The following KDM7A variants were observed in gnomAD, a reference collection of about 807,000 sequenced individuals.
KDM7A encodes lysine demethylase 7A.
A neutral mutation model predicts 114.8 loss-of-function variants in KDM7A; 28 were observed. The observed-to-expected ratio is 0.24, with a 90% CI of 0.18 to 0.33. The LOEUF is 0.33. Among genes scored for constraint, KDM7A ranks in the 10% least tolerant of loss-of-function variants. The pLI, the probability that KDM7A is intolerant of heterozygous loss-of-function variation, is 1.00. For missense variants in KDM7A, 942 were observed against 1,142.5 expected (o/e 0.82, Z 2.53); for synonymous variants, 423 against 397.8 (o/e 1.06, Z -0.75).
At position 140,159,945 on chromosome 7, in the gene KDM7A, TAAAA is replaced by T. The variant is rs71520071; in HGVS notation, c.194+16795_194+16798del. ...AAGTTCTTCAATCCTTGACTTCCAT[TAAAA>T]AAAAAAAAAAAAAAAACCTGTACCC... On this transcript the variant is annotated intron_variant, in intron 1 of 19. Coordinates refer to ENST00000397560, the MANE Select transcript of KDM7A (RefSeq NM_030647.2). Among the ~76,000 whole-genome samples the T allele has an allele frequency of 2.6e-3, 320 of 124,036 alleles. 5 individuals carry two copies. Among genetic ancestry groups the T allele is most frequent in the Non-Finnish European group, 2.3e-3 (137 of 59,626 alleles). 81.4% of individuals were successfully genotyped at this position (124,036 alleles called of 152,430 possible).
In KDM7A at chr7:140,091,171, C is replaced by T; in HGVS notation, c.2749G>A (p.Gly917Arg). 1 of 1,613,416 alleles carries T rather than the reference C, an allele frequency of 6.2e-7. No individual in the cohort carries two copies. The highest frequency in any genetic ancestry group is 8.5e-7 in the Non-Finnish European group (1 of 1,179,362). The stretch of plus-strand genomic sequence containing the variant: ...AGACGTTGTTTGGCTGTTGCCATTC[C>T]TTTTTTTGGACGTTTACCTATAAAA... Reference protein sequence around the residue: ...QATKGKRPKKGMATAKQRLGK... With the variant: ...QATKGKRPKKRMATAKQRLGK... Residue 917 changes from glycine to arginine, a missense_variant, in exon 20 of 20, where the codon GGA (glycine) becomes AGA (arginine). Physicochemically the swap from Gly to Arg is moderately radical, Grantham distance 125 (BLOSUM62 -2). Around this residue, in one of 4 missense-constraint regions of KDM7A, gnomAD observed 512 missense variants for 576.6 expected, o/e 0.89. Coordinates refer to ENST00000397560, the MANE Select transcript of KDM7A (RefSeq NM_030647.2).
intron 1 of KDM7A, among the ~76,000 whole-genome samples, chr7:140,172,013 T>G (rs1027203187): frequency 7.9e-5 from 12 of 152,198 alleles, no homozygotes; most frequent in African/African-American, 2.9e-4. Flanking sequence ...TACTGACTTA[T>G]CTACAGATTA....
intron 3 of KDM7A, 108 bp downstream of exon 3, chr7:140,133,431 T>C: frequency 1.6e-6 from 1 of 636,258 alleles, no homozygotes. Context: ...CTGAGGACAA[T>C]AATGGGTTGC....
chr7:140,124,382 A>AT (rs1238994174), intron 7 of KDM7A, among the ~76,000 whole-genome samples: 1 of 152,216 alleles, frequency 6.6e-6, no homozygotes, highest in Non-Finnish European at 1.5e-5. Context: ...TGGTATGTGA[A>AT]TTTTTTCTCA....
intron 11 of KDM7A, among the ~76,000 whole-genome samples, chr7:140,109,051 G>A (rs1252151172): frequency 6.6e-6 from 1 of 152,134 alleles, no homozygotes; most frequent in Non-Finnish European, 1.5e-5. Context: ...AGGCTCCGTG[G>A]GTGTGGGACC....
chr7:140,155,312 T>C (rs1434840320), intron 1 of KDM7A, among the ~76,000 whole-genome samples: 1 of 152,254 alleles, frequency 6.6e-6, no homozygotes, highest in Non-Finnish European at 1.5e-5. Flanking sequence ...TATGATTTTC[T>C]TCTAGATAAG....
intron 1 of KDM7A, among the ~76,000 whole-genome samples, chr7:140,170,135 T>C (rs941859617): frequency 6.6e-6 from 1 of 152,094 alleles, no homozygotes; most frequent in African/African-American, 2.4e-5. Context: ...ATATTTCCTA[T>C]CCCTAACCAA....
rs771650432 is a variant in KDM7A, at chr7:140,139,134, T to C, written c.251A>G (p.Asn84Ser). Reference sequence around the variant, plus strand: ...GGAGGAACCATGTAAAACTGCACAGTTGGGACAGTGATACAGGTCAATGTC... The same window carrying C: ...GGAGGAACCATGTAAAACTGCACAGCTGGGACAGTGATACAGGTCAATGTC... ...AVDIDLYHCP[N>S]CAVLHGSSLM... The change falls in exon 2 of 20, where the codon AAC (asparagine) becomes AGC (serine). Residue 84 changes from asparagine (N) to serine (S), a missense_variant. Coordinates refer to ENST00000397560, the MANE Select transcript of KDM7A (RefSeq NM_030647.2). The C allele has an allele frequency of 3.5e-5, 56 of 1,613,252 alleles. No homozygotes were observed. Among genetic ancestry groups the C allele is most frequent in the East Asian group, 1.1e-4 (5 of 44,830 alleles).
chr7:140,092,858 GA>G (rs1011356859), intron 18 of KDM7A, among the ~76,000 whole-genome samples: 1 of 152,148 alleles, frequency 6.6e-6, no homozygotes, highest in Admixed American at 6.5e-5. Flanking sequence ...GCTAGTAAGT[GA>G]TAAACTTTAT....
chr7:140,089,059 A>G lies in KDM7A; in HGVS notation c.*2035T>C, dbSNP rs1028339225. On this transcript the variant is annotated 3_prime_UTR_variant, in exon 20 of 20. Transcript: ENST00000397560. The stretch of plus-strand genomic sequence containing the variant: ...TAAAAACATGACTATTGTAACACCG[A>G]CTCAGGATCTACAGAAAAGCAAAAA... 1.3e-5 allele frequency: 2 copies of G among 152,132 alleles called. No individual in the cohort carries two copies. Among genetic ancestry groups the G allele is most frequent in the Admixed American group, 6.6e-5 (1 of 15,264 alleles). The allele number at this position is 152,132 out of a possible 1,614,324, so 9.4% of individuals were successfully genotyped here. A position where few individuals can be genotyped will look rare whatever the true frequency, so the allele number is the denominator to read the frequency against.
At chr7:140,127,070 G>A (rs1049410573) in intron 5 of KDM7A, among the ~76,000 whole-genome samples, 9 of 152,162 alleles carry the variant, frequency 5.9e-5, no homozygotes, top group African/African-American at 1.9e-4. Context: ...GAGAGATCTC[G>A]TGCCTCAGCC....
chr7:140,158,768 A>G (rs569190414), intron 1 of KDM7A, among the ~76,000 whole-genome samples: 75 of 152,210 alleles, frequency 4.9e-4, no homozygotes, highest in Non-Finnish European at 7.8e-4. Flanking sequence ...CAGAAGGAAA[A>G]TCAGCACAGG....
chr7:140,112,456 C>T (rs1233141062), intron 10 of KDM7A, among the ~76,000 whole-genome samples: 2 of 151,994 alleles, frequency 1.3e-5, no homozygotes, highest in East Asian at 1.9e-4. Context: ...CTAAAACATA[C>T]AAAAATTAAC....
chr7:140,139,488 T>C (rs1313136309), intron 1 of KDM7A, among the ~76,000 whole-genome samples: 2 of 152,202 alleles, frequency 1.3e-5, no homozygotes, highest in Non-Finnish European at 2.9e-5. Flanking sequence ...TCACTGTTAT[T>C]AAATGTCAAT....
chr7:140,164,355 T>C (rs1794551930), intron 1 of KDM7A, among the ~76,000 whole-genome samples: 1 of 152,220 alleles, frequency 6.6e-6, no homozygotes, highest in Non-Finnish European at 1.5e-5. Flanking sequence ...TAGATCATTC[T>C]TTCTTGTGGG....
At chr7:140,155,214 G>A (rs562528416) in intron 1 of KDM7A, among the ~76,000 whole-genome samples, 2 of 152,280 alleles carry the variant, frequency 1.3e-5, no homozygotes, top group African/African-American at 4.8e-5. Context: ...CTAGGCTGAA[G>A]TCTAATGACT....
At chr7:140,115,062 G>A (rs1011735903) in intron 9 of KDM7A, among the ~76,000 whole-genome samples, 11 of 150,724 alleles carry the variant, frequency 7.3e-5, no homozygotes, top group Middle Eastern at 3.3e-3. Context: ...TCGGCCAGCC[G>A]CCCCATCCGG....
rs372430399 is a variant in KDM7A at position 140,171,581 on chromosome 7, ATT to A, written c.194+5161_194+5162del. Among the ~76,000 whole-genome samples the A allele has an allele frequency of 8.0e-3, 1,147 of 144,098 alleles. 15 individuals carry two copies. The highest frequency in any genetic ancestry group is 0.028 in the African/African-American group (1,100 of 39,596). 94.5% of individuals were successfully genotyped at this position (144,098 alleles called of 152,430 possible). A position where few individuals can be genotyped will look rare whatever the true frequency, so the allele number is the denominator to read the frequency against. On this transcript the variant is annotated intron_variant, in intron 1 of 19. Coordinates refer to ENST00000397560, the MANE Select transcript of KDM7A (RefSeq NM_030647.2). Reference sequence around the variant, plus strand: ...TATTTTTATATATTTATATATATATATTTTTATATAGTTGTATTTATATATTT... The same window carrying A: ...TATTTTTATATATTTATATATATATATTTATATAGTTGTATTTATATATTT...
At chr7:140,171,569 TTATA>T (rs894016570) in intron 1 of KDM7A, among the ~76,000 whole-genome samples, 1 of 110,292 alleles carries the variant, frequency 9.1e-6, no homozygotes, top group African/African-American at 3.5e-5. Context: ...TTTTATATAT[TTATA>T]TATATATATT....
Sources: allele counts gnomAD v4.1 joint callset (sites outside exome capture counted in the v4.1 genomes callset), GRCh38; gene constraint gnomAD v4.1.1; regional missense constraint gnomAD v4.1.1; transcripts MANE v1.5; gene names NCBI Gene and HGNC (gene_info 2026-07-23, HGNC 2026-07-21).